The following PCDHGB6 variants were observed in gnomAD, a reference collection of about 807,000 sequenced individuals.
PCDHGB6 encodes protocadherin gamma-B6.
Under a neutral mutation model 59.1 loss-of-function variants are expected in PCDHGB6, and 51 were observed. The observed-to-expected ratio is 0.86, with a 90% confidence interval of 0.69 to 1.09. The LOEUF (loss-of-function observed/expected upper bound fraction) is 1.09, where lower values mean the gene tolerates loss of function less well. PCDHGB6 is among the 50% of genes least tolerant of loss of function. The probability of loss-of-function intolerance (pLI) is 0.00; values close to 1 mark genes in which losing one functional copy is unlikely to be tolerated. For synonymous variants in PCDHGB6, 466 were observed against 495.1 expected (o/e 0.94, Z 0.78); for missense variants, 1,148 against 1,205.1 (o/e 0.95, Z 0.70).
At chr5:141,421,930 G>A (rs780569992) in intron 1 of PCDHGB6, 1 of 1,613,480 alleles carries the variant, frequency 6.2e-7, no homozygotes, top group Non-Finnish European at 8.5e-7. Flanking sequence ...GGTGGTCCTC[G>A]ATGTAAATGA....
chr5:141,421,736 G>A lies in PCDHGB6; in HGVS notation c.2418+11116G>A, dbSNP rs767237323. 5.3e-5 allele frequency: 86 copies of A among 1,613,810 alleles called. No individual in the cohort carries two copies. The highest frequency in any genetic ancestry group is 6.9e-5 in the Non-Finnish European group (82 of 1,179,858). Reference sequence around the variant, plus strand: ...GATGTGGGCGTGAACTCCCTCCAGAGCTACCAGCTCAGCCCTAATAATTAC... The same window carrying A: ...GATGTGGGCGTGAACTCCCTCCAGAACTACCAGCTCAGCCCTAATAATTAC... On this transcript the variant is annotated intron_variant, in intron 1 of 3. Transcript: ENST00000520790.
At chr5:141,420,386 AT>A (rs2096493306) in intron 1 of PCDHGB6, 1 of 1,284,798 alleles carries the variant, frequency 7.8e-7, no homozygotes, top group African/African-American at 1.5e-5. Flanking sequence ...AGTTCGCAAA[AT>A]ATAGGTCAAA....
intron 1 of PCDHGB6, chr5:141,419,006 A>T: frequency 6.2e-7 from 1 of 1,614,006 alleles, no homozygotes. Context: ...TGGGGAAGTC[A>T]GGTGTAGCTT....
rs1272833119 is a variant in PCDHGB6, at chr5:141,409,177, T to A, written c.975T>A (p.Gly325=). Residue 325 remains glycine (G), a synonymous_variant, in exon 1 of 4, where the codon GGT becomes GGA. Coordinates refer to ENST00000520790, the MANE Select transcript of PCDHGB6 (RefSeq NM_018926.3). ...TGGAAGTGGAAGCGAAGGACGGAGGTGGTCTCTCTACCCAGTGTAAAGTAA... is the reference window on the plus strand; with the variant it reads ...TGGAAGTGGAAGCGAAGGACGGAGGAGGTCTCTCTACCCAGTGTAAAGTAA... ...YTMEVEAKDG[G]GLSTQCKVII... 6.2e-7 allele frequency: 1 copy of A among 1,613,944 alleles called. No individual in the cohort carries two copies. The highest frequency in any genetic ancestry group is 8.5e-7 in the Non-Finnish European group (1 of 1,179,864).
intron 1 of PCDHGB6, chr5:141,422,581 G>C: frequency 6.2e-7 from 1 of 1,613,984 alleles, no homozygotes; most frequent in Non-Finnish European, 8.5e-7. Context: ...TAACCCTCCC[G>C]TTTTTCCTCA....
intron 1 of PCDHGB6, among the ~76,000 whole-genome samples, chr5:141,452,068 A>G (rs554365813): frequency 1.1e-3 from 160 of 152,308 alleles, no homozygotes; most frequent in Middle Eastern, 6.8e-3. Flanking sequence ...TTCTACTTTT[A>G]TTAGTTGGCA....
chr5:141,473,233 C>T (rs116489525), intron 1 of PCDHGB6, among the ~76,000 whole-genome samples: 1,684 of 152,238 alleles, frequency 0.011, 34 homozygotes, highest in African/African-American at 0.039. Flanking sequence ...ATTGGATCCA[C>T]ACAAGTGAAT....
intron 1 of PCDHGB6, chr5:141,417,840 A>G (rs2096168680): frequency 2.0e-6 from 3 of 1,536,422 alleles, no homozygotes; most frequent in African/African-American, 2.8e-5. Context: ...GCGGGGACCC[A>G]GCGAGAACCC....
chr5:141,498,273 A>G (rs1595516143), intron 2 of PCDHGB6, among the ~76,000 whole-genome samples: 1 of 152,038 alleles, frequency 6.6e-6, no homozygotes, highest in East Asian at 1.9e-4. Flanking sequence ...TCTTCAGTAA[A>G]CTTGGTTCAA....
rs368105487 is a variant in PCDHGB6 at position 141,489,478 on chromosome 5, A to G, written c.2419-5329A>G. On this transcript the variant is annotated intron_variant, in intron 1 of 3. Transcript: ENST00000520790. This position sits in a 1 kb window ranked among gnomAD's most constrained non-coding sequence, Gnocchi z 4.5. Reference sequence around the variant, plus strand: ...TGGGCGCTATTTTTCCCTGAGCTTGATGAGTGGTGCCCTGGCAGTGAATCA... The same window carrying G: ...TGGGCGCTATTTTTCCCTGAGCTTGGTGAGTGGTGCCCTGGCAGTGAATCA... The G allele has an allele frequency of 1.1e-5, 18 of 1,613,956 alleles. No individual in the cohort carries two copies. The highest frequency in any genetic ancestry group is 1.5e-5 in the Non-Finnish European group (18 of 1,180,030).
At chr5:141,411,958 GAT>G (rs1485546812) in intron 1 of PCDHGB6, 1 of 152,192 alleles carries the variant, frequency 6.6e-6, no homozygotes, top group African/African-American at 2.4e-5. Flanking sequence ...GAAGAAAAAA[GAT>G]AAAATCTTTG....
rs372656276 is a variant in PCDHGB6, at chr5:141,415,107, A to G, written c.2418+4487A>G. ...TGCTGGACAGAGACGCGCTCAAGCA[A>G]AGCCTCGTAGTGGCCGTCCAGGACC... is the stretch of plus-strand genomic sequence containing the variant. On this transcript the variant is annotated intron_variant, in intron 1 of 3. Transcript: ENST00000520790. 1,052 of 1,613,570 alleles carry G rather than the reference A, an allele frequency of 6.5e-4. 7 individuals carry two copies. The African/African-American group carries it at 8.4e-3, about 13-fold the overall frequency.
intron 1 of PCDHGB6, chr5:141,420,323 A>G (rs753373746): frequency 2.1e-6 from 3 of 1,410,102 alleles, no homozygotes; most frequent in East Asian, 2.4e-5. Flanking sequence ...CAATATGCCA[A>G]TATATTCCAA....
chr5:141,452,584 T>C (rs992607928), intron 1 of PCDHGB6, among the ~76,000 whole-genome samples: 1 of 152,182 alleles, frequency 6.6e-6, no homozygotes, highest in Non-Finnish European at 1.5e-5. Context: ...TTTCCATCTT[T>C]GTATTTTTAT....
intron 1 of PCDHGB6, chr5:141,433,074 A>C: frequency 6.2e-7 from 1 of 1,614,218 alleles, no homozygotes; most frequent in East Asian, 2.2e-5. Flanking sequence ...ATCTTCCCCC[A>C]GCCCAACTAT....
intron 1 of PCDHGB6, among the ~76,000 whole-genome samples, chr5:141,425,048 T>C (rs1590618422): frequency 6.6e-6 from 1 of 152,350 alleles, no homozygotes; most frequent in African/African-American, 2.4e-5. Flanking sequence ...AAACTGACTA[T>C]CTAGGGCTCG....
chr5:141,427,139 T>C (rs1430333586), intron 1 of PCDHGB6: 2 of 456,952 alleles, frequency 4.4e-6, no homozygotes, highest in East Asian at 1.4e-4. Context: ...TACGAGATGA[T>C]ATTGGAAATA....
chr5:141,492,503 A>G (rs1341352458), intron 1 of PCDHGB6, among the ~76,000 whole-genome samples: 1 of 151,188 alleles, frequency 6.6e-6, no homozygotes, highest in Non-Finnish European at 1.5e-5. Context: ...AGGACTCCGG[A>G]GCCTCCTCTC....
At chr5:141,423,346 G>T in intron 1 of PCDHGB6, 1 of 1,614,214 alleles carries the variant, frequency 6.2e-7, no homozygotes, top group South Asian at 1.1e-5. Context: ...CATCTTCCTG[G>T]TCTTTGTCAT....
Sources: gnomAD v4.1 joint callset for allele counts (sites outside exome capture counted in the v4.1 genomes callset) on GRCh38, gnomAD v4.1.1 for gene constraint, Gnocchi (gnomAD v3.1) non-coding constraint, MANE v1.5 for transcripts, NCBI Gene and HGNC (gene_info 2026-07-23, HGNC 2026-07-21) for gene names.